The following GALNTL6 variants were observed in gnomAD, a reference collection of about 807,000 sequenced individuals.
GALNTL6 encodes the protein polypeptide N-acetylgalactosaminyltransferase-like 6.
In GALNTL6, 46 loss-of-function variants were observed where a neutral mutation model predicts 73.7. The observed-to-expected ratio is 0.62, with a 90% confidence interval of 0.49 to 0.80. GALNTL6 has a LOEUF of 0.80. Among genes scored for constraint, GALNTL6 ranks in the 30% least tolerant of loss-of-function variants. GALNTL6 has a pLI of 0.00. For missense variants in GALNTL6, 604 were observed against 755.0 expected (o/e 0.80, Z 2.34); for synonymous variants, 259 against 263.7 (o/e 0.98, Z 0.17).
At chr4:171,943,308 C>G (rs1420416810) in intron 2 of GALNTL6, among the ~76,000 whole-genome samples, 1 of 152,178 alleles carries the variant, frequency 6.6e-6, no homozygotes, top group African/African-American at 2.4e-5. Flanking sequence ...GATTCCCCTT[C>G]TCTCTCATCG....
At chr4:172,098,656 G>C (rs1442333289) in intron 2 of GALNTL6, among the ~76,000 whole-genome samples, 1 of 152,112 alleles carries the variant, frequency 6.6e-6, no homozygotes, top group Non-Finnish European at 1.5e-5. Flanking sequence ...TATTGCAAGT[G>C]GGCAAGGCTG....
intron 5 of GALNTL6, among the ~76,000 whole-genome samples, chr4:172,401,271 A>T (rs1368582818): frequency 1.3e-5 from 2 of 152,162 alleles, no homozygotes; most frequent in Non-Finnish European, 2.9e-5. Context: ...TTCTCTTCTT[A>T]CAGTCTTGGC....
chr4:171,884,892 CT>C (rs1230774589), intron 2 of GALNTL6, among the ~76,000 whole-genome samples: 1 of 151,768 alleles, frequency 6.6e-6, no homozygotes, highest in Non-Finnish European at 1.5e-5. Context: ...TCTATCTCTA[CT>C]AAAAATACAA....
chr4:172,481,947 T>C (rs1733497791), intron 5 of GALNTL6, among the ~76,000 whole-genome samples: 1 of 152,136 alleles, frequency 6.6e-6, no homozygotes, highest in Non-Finnish European at 1.5e-5. Flanking sequence ...GCAGTGCCCG[T>C]CGGGGAGGCT....
intron 8 of GALNTL6, among the ~76,000 whole-genome samples, chr4:172,912,167 A>G (rs1747238531): frequency 1.3e-5 from 2 of 152,232 alleles, no homozygotes. Context: ...CAAGTCCTTC[A>G]CCCAAAACCA....
chr4:172,318,320 A>G (rs1477610881), intron 4 of GALNTL6, among the ~76,000 whole-genome samples: 3 of 152,212 alleles, frequency 2.0e-5, no homozygotes, highest in Admixed American at 1.3e-4. Flanking sequence ...CTAGTGAAAC[A>G]AAAATCTTCC....
chr4:172,956,492 G>A (rs1352354838), intron 10 of GALNTL6, among the ~76,000 whole-genome samples: 7 of 152,162 alleles, frequency 4.6e-5, no homozygotes, highest in Admixed American at 1.3e-4. Flanking sequence ...CAAGAGTGGC[G>A]GTTTGGGGAT....
intron 2 of GALNTL6, among the ~76,000 whole-genome samples, chr4:171,890,566 T>A (rs1267712913): frequency 6.6e-6 from 1 of 152,174 alleles, no homozygotes; most frequent in African/African-American, 2.4e-5. Flanking sequence ...TGCCATATAA[T>A]AACCTGATGG....
chr4:172,829,391 C>T (rs9884494), intron 7 of GALNTL6, among the ~76,000 whole-genome samples: 7,527 of 152,218 alleles, frequency 0.049, 293 homozygotes, highest in African/African-American at 0.1. Flanking sequence ...TTCTACCCAT[C>T]CTTTGGCACC....
At chr4:172,969,672 A>C (rs1439006097) in intron 10 of GALNTL6, among the ~76,000 whole-genome samples, 2 of 152,256 alleles carry the variant, frequency 1.3e-5, no homozygotes, top group Non-Finnish European at 2.9e-5. Flanking sequence ...TACAAGCCAA[A>C]GATTTTATAT....
At chr4:172,273,010 C>G (rs1738706993) in intron 3 of GALNTL6, among the ~76,000 whole-genome samples, 1 of 151,592 alleles carries the variant, frequency 6.6e-6, no homozygotes, top group African/African-American at 2.4e-5. Flanking sequence ...TTTAGGAACA[C>G]AGAATATCTA....
rs191018506 is a variant in GALNTL6 at position 172,962,450 on chromosome 4, A to G, written c.1371+10192A>G. 1.3e-3 allele frequency among the ~76,000 whole-genome samples: 194 copies of G among 152,352 alleles called. 1 individual carries two copies. Among genetic ancestry groups the G allele is most frequent in the Admixed American group, 2.2e-3 (34 of 15,310 alleles). On this transcript the variant is annotated intron_variant, in intron 10 of 12. Coordinates refer to ENST00000506823, the MANE Select transcript of GALNTL6 (RefSeq NM_001034845.3). ...CTTTTTCTGTTCCAGGATCCAATCC[A>G]GTATCTGAAAGAGCTTTTTAGTTTC...
chr4:172,487,766 T>C (rs980733655), intron 5 of GALNTL6, among the ~76,000 whole-genome samples: 6 of 152,168 alleles, frequency 3.9e-5, no homozygotes, highest in Non-Finnish European at 7.3e-5. Flanking sequence ...CTATTCAATA[T>C]ATTAGTAAAT....
chr4:172,041,558 G>A (rs557664705), intron 2 of GALNTL6, among the ~76,000 whole-genome samples: 7 of 152,120 alleles, frequency 4.6e-5, no homozygotes, highest in East Asian at 1.9e-4. Context: ...ATCTTAGTCC[G>A]TTTAGGCAAA....
In GALNTL6 at chr4:172,832,087, G is replaced by T. The variant is rs115455419; in HGVS notation, c.923+18364G>T. ...CATCACAGCTTTCGGCAAGGATAAAGCCCTGCGTGGACACTAGATTTGTCA... is the reference window on the plus strand; with the variant it reads ...CATCACAGCTTTCGGCAAGGATAAATCCCTGCGTGGACACTAGATTTGTCA... On this transcript the variant is annotated intron_variant, in intron 7 of 12. Coordinates refer to ENST00000506823, the MANE Select transcript of GALNTL6 (RefSeq NM_001034845.3). 6.3e-3 allele frequency among the ~76,000 whole-genome samples: 957 copies of T among 152,264 alleles called. 2 individuals are homozygous for T. Among genetic ancestry groups the T allele is most frequent in the Non-Finnish European group, 0.011 (735 of 68,030 alleles).
At chr4:172,649,141 T>C (rs1175156309) in intron 5 of GALNTL6, among the ~76,000 whole-genome samples, 1 of 152,186 alleles carries the variant, frequency 6.6e-6, no homozygotes, top group Non-Finnish European at 1.5e-5. Flanking sequence ...AGTTGCCTTA[T>C]ATTCAAATCC....
chr4:172,774,093 A>T lies in GALNTL6; in HGVS notation c.554-35268A>T, dbSNP rs1231150128. Among the ~76,000 whole-genome samples, 4 of 152,206 alleles carry T rather than the reference A, an allele frequency of 2.6e-5. No individual in the cohort carries two copies. In the East Asian group the frequency reaches 7.7e-4, roughly 29 times the overall value. On this transcript the variant is annotated intron_variant, in intron 5 of 12. Transcript: ENST00000506823. ...GTATTCTGGTGTCAATGAAGAGCGAATTCATTTTTGCACAACGAATTCAAG... is the reference window on the plus strand; with the variant it reads ...GTATTCTGGTGTCAATGAAGAGCGATTTCATTTTTGCACAACGAATTCAAG...
intron 2 of GALNTL6, among the ~76,000 whole-genome samples, chr4:171,970,428 A>G (rs989630546): frequency 3.3e-5 from 5 of 152,218 alleles, no homozygotes; most frequent in Non-Finnish European, 7.3e-5. Context: ...TGGATCTTGG[A>G]ATATATTTAA....
intron 2 of GALNTL6, among the ~76,000 whole-genome samples, chr4:171,989,804 C>A (rs1406448145): frequency 6.6e-6 from 1 of 152,110 alleles, no homozygotes; most frequent in African/African-American, 2.4e-5. Context: ...CTTTTAAGGT[C>A]TAGGGCTGTA....
Sources: gnomAD v4.1 joint callset for allele counts (sites outside exome capture counted in the v4.1 genomes callset) on GRCh38, gnomAD v4.1.1 for gene constraint, MANE v1.5 for transcripts, NCBI Gene and HGNC (gene_info 2026-07-23, HGNC 2026-07-21) for gene names.